SVOPL: variants seen among roughly 807,000 people sequenced by gnomAD.
The protein encoded by SVOPL is SVOP like, also known as putative transporter SVOPL.
In SVOPL, 60 loss-of-function variants were observed where a neutral mutation model predicts 61.0. The ratio of observed to expected loss-of-function variants is 0.98; its 90% CI spans 0.80 to 1.22. The LOEUF is 1.22. Among genes scored for constraint, SVOPL ranks in the 50% most tolerant of loss-of-function variants. The pLI is 0.00. For synonymous variants in SVOPL, 279 were observed against 250.0 expected (o/e 1.12, Z -1.09); for missense variants, 662 against 643.9 (o/e 1.03, Z -0.30).
rs2353833 is a variant in SVOPL, at chr7:138,672,921, A to G, written c.175-804T>C. The stretch of plus-strand genomic sequence containing the variant: ...TTGTCTCTCAAAAAAAAAAAAAAAA[A>G]AAGAAGGAGATGCTAGAAAAGAATT... On this transcript the variant is annotated intron_variant, in intron 3 of 15. Transcript: ENST00000674285. Among the ~76,000 whole-genome samples the G allele has an allele frequency of 2.4e-4, 37 of 151,490 alleles. No homozygotes were observed. The South Asian group carries it at 5.0e-3, about 21-fold the overall frequency.
chr7:138,638,539 G>C (rs1184629227), intron 9 of SVOPL, among the ~76,000 whole-genome samples: 1 of 152,012 alleles, frequency 6.6e-6, no homozygotes, highest in Non-Finnish European at 1.5e-5. Context: ...AGATTGCAGT[G>C]AACTATGATT....
At chr7:138,683,824 C>A (rs189973344) in intron 1 of SVOPL, among the ~76,000 whole-genome samples, 1 of 151,492 alleles carries the variant, frequency 6.6e-6, no homozygotes, top group Non-Finnish European at 1.5e-5. Flanking sequence ...GAGGCTGAGG[C>A]GGGCAGATCA....
chr7:138,620,159 C>T (rs1799496783), intron 14 of SVOPL, among the ~76,000 whole-genome samples: 1 of 128,956 alleles, frequency 7.8e-6, no homozygotes, highest in African/African-American at 2.8e-5. Context: ...GTCTCACTCT[C>T]GCCCAGCCTA....
chr7:138,596,802 T>G lies in SVOPL; in HGVS notation c.1354-272A>C. 1.8e-6 allele frequency: 2 copies of G among 1,137,540 alleles called. 1 individual carries two copies. Among genetic ancestry groups the G allele is most frequent in the South Asian group, 5.0e-5 (2 of 39,700 alleles). 70.5% of individuals were successfully genotyped at this position (1,137,540 alleles called of 1,614,324 possible). On this transcript the variant is annotated intron_variant, in intron 14 of 15. Transcript: ENST00000674285. The stretch of plus-strand genomic sequence containing the variant: ...CTGTCAGGCATCTCCAGAGCCAAGT[T>G]TTGATATATGGAAAAGATGGGGGAT...
intron 15 of SVOPL, among the ~76,000 whole-genome samples, chr7:138,595,516 T>C (rs534947908): frequency 7.9e-5 from 12 of 152,206 alleles, no homozygotes; most frequent in Non-Finnish European, 1.6e-4. Flanking sequence ...ATGACTTGAA[T>C]AGGAGATTCT....
chr7:138,656,437 C>T lies in SVOPL; in HGVS notation c.534+11G>A, dbSNP rs777436427. The T allele has an allele frequency of 1.8e-5, 29 of 1,613,522 alleles. No homozygotes were observed. Among genetic ancestry groups the T allele is most frequent in the South Asian group, 1.5e-4 (14 of 91,040 alleles). On this transcript the variant is annotated intron_variant, in intron 7 of 15. Transcript: ENST00000674285. ...ATGCCAAAGGCAGGTAGAACTCCTA[C>T]GTTGCCTTACCTGAGACAAGGGTAA... is the stretch of plus-strand genomic sequence containing the variant.
intron 2 of SVOPL, among the ~76,000 whole-genome samples, chr7:138,678,759 C>T (rs367963833): frequency 3.3e-5 from 5 of 152,098 alleles, no homozygotes; most frequent in East Asian, 3.9e-4. Flanking sequence ...TTAGTAGAGA[C>T]GGGATTTCAC....
At chr7:138,678,632 C>G in intron 2 of SVOPL, 107 bp from the exon 3 acceptor site, 1 of 1,116,728 alleles carries the variant, frequency 9.0e-7, no homozygotes, top group South Asian at 1.5e-5. Flanking sequence ...CAAGTTAATA[C>G]GGGGGGTCAG....
At chr7:138,624,456 C>T (rs923272412) in intron 13 of SVOPL, among the ~76,000 whole-genome samples, 2 of 152,138 alleles carry the variant, frequency 1.3e-5, no homozygotes, top group Non-Finnish European at 2.9e-5. Flanking sequence ...TGTAAATATG[C>T]TTGAGTTCAA....
chr7:138,606,731 A>T (rs1161774153), intron 14 of SVOPL, among the ~76,000 whole-genome samples: 1 of 152,166 alleles, frequency 6.6e-6, no homozygotes, highest in Non-Finnish European at 1.5e-5. Context: ...AGGCAGGTGG[A>T]TCACCTGAGG....
At chr7:138,665,993 G>A (rs1233494761) in intron 4 of SVOPL, among the ~76,000 whole-genome samples, 1 of 152,214 alleles carries the variant, frequency 6.6e-6, no homozygotes, top group Non-Finnish European at 1.5e-5. Flanking sequence ...CTGAGCAACA[G>A]AGTGCATCAC....
intron 9 of SVOPL, among the ~76,000 whole-genome samples, chr7:138,644,070 G>A (rs560262264): frequency 3.2e-4 from 48 of 151,328 alleles, no homozygotes; most frequent in Admixed American, 1.8e-3. Flanking sequence ...GCATAGTGGC[G>A]GGCACCTGTA....
chr7:138,662,284 T>TA (rs1024662396), intron 5 of SVOPL: 1 of 985,372 alleles, frequency 1.0e-6, no homozygotes, highest in Non-Finnish European at 1.2e-6. Flanking sequence ...TCACAGGCTT[T>TA]AAAACTTGCA....
At chr7:138,608,165 C>T (rs150753577) in intron 14 of SVOPL, among the ~76,000 whole-genome samples, 19 of 152,246 alleles carry the variant, frequency 1.2e-4, no homozygotes, top group African/African-American at 4.1e-4. Context: ...ACATAGACAA[C>T]GCTATCAGAA....
At chr7:138,673,139 T>C (rs1467154090) in intron 3 of SVOPL, among the ~76,000 whole-genome samples, 2 of 150,388 alleles carry the variant, frequency 1.3e-5, no homozygotes, top group Admixed American at 6.6e-5. Context: ...GTCGATAACA[T>C]TGATAGAATA....
intron 14 of SVOPL, among the ~76,000 whole-genome samples, chr7:138,612,436 T>TAA (rs60800575): frequency 2.8e-4 from 5 of 17,856 alleles, no homozygotes; most frequent in Non-Finnish European, 5.6e-4. Flanking sequence ...AAATAAAAAA[T>TAA]AAAAAAAAAA....
chr7:138,633,774 C>T (rs1044898453), intron 9 of SVOPL, among the ~76,000 whole-genome samples: 5 of 152,162 alleles, frequency 3.3e-5, no homozygotes, highest in Admixed American at 6.5e-5. Flanking sequence ...TGAATGCTCA[C>T]GATATTTGCA....
chr7:138,647,621 C>T lies in SVOPL; in HGVS notation c.660+1391G>A, dbSNP rs561698528. ...ATCCCAGCCCTTTGGGAGGCTGAGG[C>T]GGGTGGATCACTAAGTCAGGAGTTC... On this transcript the variant is annotated intron_variant, in intron 8 of 15. Transcript: ENST00000674285. Among the ~76,000 whole-genome samples, 18 of 151,580 alleles carry T rather than the reference C, an allele frequency of 1.2e-4. No homozygotes were observed. The South Asian group carries it at 2.5e-3, about 21-fold the overall frequency.
chr7:138,625,019 T>C (rs777234033), intron 13 of SVOPL: 1 of 152,196 alleles, frequency 6.6e-6, no homozygotes, highest in Admixed American at 6.6e-5. Context: ...ACGTTTATGG[T>C]TATCAATACT....
Sources: allele counts gnomAD v4.1 joint callset (sites outside exome capture counted in the v4.1 genomes callset), GRCh38; gene constraint gnomAD v4.1.1; transcripts MANE v1.5; gene names NCBI Gene and HGNC (gene_info 2026-07-23, HGNC 2026-07-21).